CCPG1: variants seen among roughly 807,000 people sequenced by gnomAD.
The protein encoded by CCPG1 is cell cycle progression protein 1.
Under a neutral mutation model 81.3 loss-of-function variants are expected in CCPG1, and 46 were observed. The ratio of observed to expected loss-of-function variants is 0.57; its 90% CI spans 0.45 to 0.72. The LOEUF (loss-of-function observed/expected upper bound fraction) is 0.72, where lower values mean the gene tolerates loss of function less well. Among genes scored for constraint, CCPG1 ranks in the 30% least tolerant of loss-of-function variants. CCPG1 has a pLI of 0.00. For synonymous variants in CCPG1, 330 were observed against 305.2 expected, an observed-to-expected ratio of 1.08 and a Z score of -0.85; for missense variants, 902 against 937.6, an observed-to-expected ratio of 0.96 and a Z score of 0.50.
chr15:55,375,027 G>A (rs879195945), intron 5 of CCPG1, among the ~76,000 whole-genome samples: 37 of 152,190 alleles, frequency 2.4e-4, no homozygotes, highest in African/African-American at 7.7e-4. Flanking sequence ...CCAAAATTTC[G>A]TCTTTAAACA....
At chr15:55,389,068 CAAAAAAAAAA>C (rs373917631) in intron 2 of CCPG1, among the ~76,000 whole-genome samples, 591 of 56,318 alleles carry the variant, frequency 0.01, 20 homozygotes, top group African/African-American at 0.039. Context: ...GACTCTGTCT[CAAAAAAAAAA>C]AAAAAAAAAA....
In CCPG1 at chr15:55,355,279, C is replaced by A; in HGVS notation, c.*941G>T. 1.3e-6 allele frequency: 2 copies of A among 1,596,568 alleles called. No individual in the cohort carries two copies. Among genetic ancestry groups the A allele is most frequent in the Non-Finnish European group, 1.7e-6 (2 of 1,169,362 alleles). ...CTTTATTTACTTAAACATTTATTTG[C>A]TTCTAGGAAATAAGCGCTTTCCTAA... On this transcript the variant is annotated 3_prime_UTR_variant, in exon 9 of 9. Transcript: ENST00000442196.
At chr15:55,397,808 C>T (rs2057050031) in intron 1 of CCPG1, among the ~76,000 whole-genome samples, 3 of 152,062 alleles carry the variant, frequency 2.0e-5, no homozygotes, top group Admixed American at 2.0e-4. Flanking sequence ...GAAACCCTGT[C>T]TCTATTAAAA....
intron 6 of CCPG1, among the ~76,000 whole-genome samples, chr15:55,366,922 T>C (rs1173161696): frequency 2.0e-5 from 3 of 152,184 alleles, no homozygotes; most frequent in African/African-American, 7.2e-5. Flanking sequence ...GTTAGCAACC[T>C]TAACATTACA....
rs1023427502 is a variant in CCPG1 at position 55,357,113 on chromosome 15, A to G, written c.2235-704T>C. 15 of 985,068 alleles carry G rather than the reference A, an allele frequency of 1.5e-5. No homozygotes were observed. In the African/African-American group the frequency reaches 1.7e-4, roughly 11 times the overall value. The allele number at this position is 985,068 out of a possible 1,614,324, so 61.0% of individuals were successfully genotyped here. Reference sequence around the variant, plus strand: ...TACAGTCTCGGCAAAAGAGATGACCATAGAACTAACTGCCAACTAACCCTC... The same window carrying G: ...TACAGTCTCGGCAAAAGAGATGACCGTAGAACTAACTGCCAACTAACCCTC... On this transcript the variant is annotated intron_variant, in intron 8 of 8. Coordinates refer to ENST00000442196, the MANE Select transcript of CCPG1 (RefSeq NM_001204450.2).
At chr15:55,395,827 G>A (rs949440336) in intron 1 of CCPG1, among the ~76,000 whole-genome samples, 7 of 152,082 alleles carry the variant, frequency 4.6e-5, no homozygotes, top group East Asian at 1.9e-4. Context: ...AGGTAACCAC[G>A]TCTGGGTGAT....
At chr15:55,390,086 A>G (rs1320850820) in intron 1 of CCPG1, among the ~76,000 whole-genome samples, 3 of 151,830 alleles carry the variant, frequency 2.0e-5, no homozygotes, top group Non-Finnish European at 2.9e-5. Flanking sequence ...ACCACGCCCC[A>G]CTAATTTTTG....
At chr15:55,394,996 T>A (rs1363201222) in intron 1 of CCPG1, among the ~76,000 whole-genome samples, 2 of 152,090 alleles carry the variant, frequency 1.3e-5, no homozygotes, top group East Asian at 3.9e-4. Context: ...CAGTCAGAGA[T>A]GGATTTGAGA....
intron 3 of CCPG1, among the ~76,000 whole-genome samples, chr15:55,381,229 T>G: frequency 6.7e-6 from 1 of 149,952 alleles, no homozygotes; most frequent in African/African-American, 2.5e-5. Flanking sequence ...AGGTCAGGAG[T>G]TCGAGACCAG....
At chr15:55,377,606 T>C (rs2056593968) in intron 4 of CCPG1, among the ~76,000 whole-genome samples, 1 of 152,240 alleles carries the variant, frequency 6.6e-6, no homozygotes. Flanking sequence ...CGCTGGAATG[T>C]AATCGCCAAT....
intron 1 of CCPG1, among the ~76,000 whole-genome samples, chr15:55,393,135 T>C (rs1400572866): frequency 6.6e-6 from 1 of 151,760 alleles, no homozygotes; most frequent in East Asian, 1.9e-4. Flanking sequence ...TTAAATTAAA[T>C]AGCATATATT....
intron 5 of CCPG1, chr15:55,372,727 T>C (rs933956788): frequency 2.2e-5 from 6 of 267,130 alleles, no homozygotes; most frequent in Admixed American, 1.0e-4. Context: ...AAAAAAATAC[T>C]CTCTGTCTCT....
At chr15:55,403,790 C>T (rs555354080) in intron 1 of CCPG1, among the ~76,000 whole-genome samples, 1 of 152,316 alleles carries the variant, frequency 6.6e-6, no homozygotes, top group South Asian at 2.1e-4. Context: ...CAAAGAAACA[C>T]AAACATAATT....
chr15:55,406,766 A>G (rs1445766801), intron 1 of CCPG1, among the ~76,000 whole-genome samples: 1 of 151,752 alleles, frequency 6.6e-6, no homozygotes, highest in African/African-American at 2.4e-5. Context: ...AGTTATGTTC[A>G]CTTTTTGTTC....
chr15:55,390,003 A>G (rs2056882657), intron 1 of CCPG1, among the ~76,000 whole-genome samples: 1 of 152,224 alleles, frequency 6.6e-6, no homozygotes, highest in Non-Finnish European at 1.5e-5. Context: ...GACTTGCTGC[A>G]ACCTCCGCCT....
intron 3 of CCPG1, among the ~76,000 whole-genome samples, chr15:55,383,817 T>C (rs1566976950): frequency 6.6e-6 from 1 of 152,212 alleles, no homozygotes; most frequent in Non-Finnish European, 1.5e-5. Flanking sequence ...GAAGGACTTG[T>C]TCTGGATTAG....
chr15:55,402,254 C>T (rs1337261613), intron 1 of CCPG1, among the ~76,000 whole-genome samples: 1 of 152,112 alleles, frequency 6.6e-6, no homozygotes, highest in Admixed American at 6.6e-5. Context: ...GACAGGATCT[C>T]GCTCTGTCAC....
intron 1 of CCPG1, chr15:55,398,227 G>A (rs1242025844): frequency 2.0e-5 from 3 of 152,108 alleles, no homozygotes; most frequent in African/African-American, 4.8e-5. Context: ...TACCTGATAT[G>A]ATGGTGCCCC....
intron 1 of CCPG1, among the ~76,000 whole-genome samples, chr15:55,404,845 C>A (rs977644539): frequency 2.0e-5 from 3 of 152,256 alleles, no homozygotes; most frequent in East Asian, 1.9e-4. Flanking sequence ...GCCCAGGCAA[C>A]CGGATCACGC....
Sources: allele counts gnomAD v4.1 joint callset (sites outside exome capture counted in the v4.1 genomes callset), GRCh38; gene constraint gnomAD v4.1.1; transcripts MANE v1.5; gene names NCBI Gene and HGNC (gene_info 2026-07-23, HGNC 2026-07-21).